Variants in PHACTR4 observed in about 807,000 individuals in gnomAD.
PHACTR4 encodes phosphatase and actin regulator 4, also known as protein phosphatase 1, regulatory subunit 124.
A neutral mutation model predicts 72.7 loss-of-function variants in PHACTR4; 51 were observed. The ratio of observed to expected loss-of-function variants is 0.70; its 90% CI spans 0.56 to 0.89. The LOEUF (loss-of-function observed/expected upper bound fraction) is 0.89, where lower values mean the gene tolerates loss of function less well. Among genes scored for constraint, PHACTR4 ranks in the 40% least tolerant of loss-of-function variants. The pLI, the probability that PHACTR4 is intolerant of heterozygous loss-of-function variation, is 0.00. For synonymous variants in PHACTR4, 255 were observed against 302.5 expected, an observed-to-expected ratio of 0.84 and a Z score of 1.63; for missense variants, 731 against 861.8, an observed-to-expected ratio of 0.85 and a Z score of 1.90.
intron 6 of PHACTR4, among the ~76,000 whole-genome samples, chr1:28,472,306 A>G (rs1289861852): frequency 6.6e-6 from 1 of 152,116 alleles, no homozygotes; most frequent in Non-Finnish European, 1.5e-5. Context: ...ATCTTGGGCA[A>G]AGTCACCTAG....
At chr1:28,470,877 T>C (rs1359750031) in intron 6 of PHACTR4, among the ~76,000 whole-genome samples, 1 of 150,560 alleles carries the variant, frequency 6.6e-6, no homozygotes, top group Non-Finnish European at 1.5e-5. Flanking sequence ...TTAAAAAAAT[T>C]AGTCAGGCAT....
intron 1 of PHACTR4, among the ~76,000 whole-genome samples, chr1:28,392,617 T>C (rs1306557651): frequency 6.6e-6 from 1 of 151,852 alleles, no homozygotes; most frequent in African/African-American, 2.4e-5. Flanking sequence ...TACCTCGAAC[T>C]CCTGGGCTCA....
rs568117188 is a variant in PHACTR4 at position 28,413,640 on chromosome 1, G to T, written c.16+6177G>T. 4.7e-4 allele frequency among the ~76,000 whole-genome samples: 72 copies of T among 152,070 alleles called. 4 individuals carry two copies. The South Asian group carries it at 9.8e-3, about 21-fold the overall frequency. On this transcript the variant is annotated intron_variant, in intron 2 of 13. Transcript: ENST00000373839. ...ACTATTAGAGTTTAATCTCCAGGAGGTCTTTTTGAAGTCTCTGCATGTTTC... is the reference window on the plus strand; with the variant it reads ...ACTATTAGAGTTTAATCTCCAGGAGTTCTTTTTGAAGTCTCTGCATGTTTC...
intron 1 of PHACTR4, among the ~76,000 whole-genome samples, chr1:28,374,312 T>C (rs1300389551): frequency 5.9e-5 from 9 of 152,232 alleles, no homozygotes; most frequent in Non-Finnish European, 7.3e-5. Flanking sequence ...ATTAAGATAC[T>C]GTACTTTTTT....
intron 6 of PHACTR4, among the ~76,000 whole-genome samples, chr1:28,468,307 T>A (rs1389133459): frequency 6.6e-6 from 1 of 152,178 alleles, no homozygotes; most frequent in African/African-American, 2.4e-5. Context: ...TTCAAGGTTG[T>A]AGGCCAGGCG....
At chr1:28,408,234 T>C (rs1654502790) in intron 2 of PHACTR4, among the ~76,000 whole-genome samples, 1 of 152,238 alleles carries the variant, frequency 6.6e-6, no homozygotes, top group African/African-American at 2.4e-5. Flanking sequence ...GTGTGCTTTG[T>C]AGTGCTTCAT....
At chr1:28,408,530 G>A (rs1242991709) in intron 2 of PHACTR4, among the ~76,000 whole-genome samples, 1 of 152,038 alleles carries the variant, frequency 6.6e-6, no homozygotes, top group African/African-American at 2.4e-5. Flanking sequence ...CTGCACTCCA[G>A]CCTCGGCAAC....
intron 8 of PHACTR4, among the ~76,000 whole-genome samples, chr1:28,476,787 T>TTTTTTTTTTTTTTTTTTTG (rs1659951822): frequency 7.0e-6 from 1 of 143,500 alleles, no homozygotes; most frequent in African/African-American, 2.6e-5. Flanking sequence ...TTTTTTTTTT[T>TTTTTTTTTTTTTTTTTTTG]GAGACGGAGT....
At chr1:28,482,810 C>G (rs1282898511) in intron 9 of PHACTR4, among the ~76,000 whole-genome samples, 3 of 151,786 alleles carry the variant, frequency 2.0e-5, no homozygotes, top group Admixed American at 2.0e-4. Flanking sequence ...CATGGTGGCA[C>G]ATACCTCTAG....
chr1:28,370,513 C>T (rs770488360), intron 1 of PHACTR4, among the ~76,000 whole-genome samples: 2 of 151,638 alleles, frequency 1.3e-5, no homozygotes, highest in African/African-American at 4.9e-5. Context: ...CATCTGTGAT[C>T]GGTGGACCAA....
chr1:28,437,148 G>A (rs1656687400), intron 2 of PHACTR4, among the ~76,000 whole-genome samples: 1 of 152,204 alleles, frequency 6.6e-6, no homozygotes, highest in African/African-American at 2.4e-5. Context: ...TAAGCAGCAT[G>A]TCTTAGTCTG....
At chr1:28,395,863 G>T (rs1463137706) in intron 1 of PHACTR4, among the ~76,000 whole-genome samples, 1 of 88,896 alleles carries the variant, frequency 1.1e-5, no homozygotes, top group African/African-American at 6.3e-5. Flanking sequence ...GGGTTTCACC[G>T]TGTTAGCCAG....
intron 2 of PHACTR4, among the ~76,000 whole-genome samples, chr1:28,434,044 C>T (rs1656471109): frequency 6.6e-6 from 1 of 152,168 alleles, no homozygotes; most frequent in Non-Finnish European, 1.5e-5. Flanking sequence ...TCCCAAAGTG[C>T]TGGGATTACA....
rs1570066356 is a variant in PHACTR4 at position 28,473,838 on chromosome 1, C to A, written c.1108C>A (p.Pro370Thr). The change falls in exon 7 of 14, where the codon CCA becomes ACA. Residue 370 changes from proline to threonine, a missense_variant. By Grantham distance (38) the Pro-to-Thr change is conservative. Around this residue, in one of 2 missense-constraint regions of PHACTR4, gnomAD observed 621 missense variants for 676.6 expected, o/e 0.92. Coordinates refer to ENST00000373839, the MANE Select transcript of PHACTR4 (RefSeq NM_001048183.3). ...CCCTGCTAAGACTTTTCAAGTTGTG[C>A]CAGAAATTGAGTTTCCACCATCCTT... Reference protein sequence around the residue: ...PFPAKTFQVVPEIEFPPSLDL... With the variant: ...PFPAKTFQVVTEIEFPPSLDL... The A allele has an allele frequency of 6.2e-7, 1 of 1,606,030 alleles. No homozygotes were observed. Among genetic ancestry groups the A allele is most frequent in the Non-Finnish European group, 8.5e-7 (1 of 1,176,482 alleles).
intron 2 of PHACTR4, among the ~76,000 whole-genome samples, chr1:28,416,946 T>C (rs971573366): frequency 1.3e-5 from 2 of 152,216 alleles, no homozygotes; most frequent in African/African-American, 2.4e-5. Flanking sequence ...TTTTTAGATA[T>C]GGTACAAAGT....
intron 2 of PHACTR4, among the ~76,000 whole-genome samples, chr1:28,442,587 A>T (rs945480233): frequency 1.3e-5 from 2 of 151,992 alleles, no homozygotes; most frequent in African/African-American, 4.8e-5. Flanking sequence ...ACTCACTGCA[A>T]CTTCTGCTTT....
chr1:28,434,831 C>T (rs921702389), intron 2 of PHACTR4, among the ~76,000 whole-genome samples: 3 of 152,118 alleles, frequency 2.0e-5, no homozygotes, highest in Non-Finnish European at 4.4e-5. Flanking sequence ...TGTGCCTGGC[C>T]TTTTACATTT....
intron 9 of PHACTR4, among the ~76,000 whole-genome samples, chr1:28,485,669 G>T (rs1417725715): frequency 6.6e-6 from 1 of 151,084 alleles, no homozygotes; most frequent in Admixed American, 6.6e-5. Flanking sequence ...GGGAGGCCGA[G>T]GCAGGCGTAT....
At chr1:28,409,130 T>TC (rs1344075043) in intron 2 of PHACTR4, among the ~76,000 whole-genome samples, 7 of 151,178 alleles carry the variant, frequency 4.6e-5, no homozygotes, top group South Asian at 4.2e-4. Context: ...CTTTCTTTTT[T>TC]TTTTTTTTTT....
Sources: gnomAD v4.1 joint callset for allele counts (sites outside exome capture counted in the v4.1 genomes callset) on GRCh38, gnomAD v4.1.1 for gene constraint, gnomAD v4.1.1 regional missense constraint, MANE v1.5 for transcripts, NCBI Gene and HGNC (gene_info 2026-07-23, HGNC 2026-07-21) for gene names.